Variants in CAMSAP3 observed in about 807,000 individuals in gnomAD.
CAMSAP3 encodes calmodulin-regulated spectrin-associated protein 3.
A neutral mutation model predicts 112.5 loss-of-function variants in CAMSAP3; 34 were observed. That is an observed-to-expected ratio of 0.30 (90% CI 0.23 to 0.40). The LOEUF is 0.40. CAMSAP3 is among the 10% of genes least tolerant of loss of function. CAMSAP3 has a pLI of 1.00. For synonymous variants in CAMSAP3, 868 were observed against 799.8 expected (o/e 1.09, Z -1.44); for missense variants, 1,602 against 1,770.3 (o/e 0.90, Z 1.71).
chr19:7,617,537 C>T lies in CAMSAP3; in HGVS notation c.3326-6C>T. Reference sequence around the variant, plus strand: ...CCCCACCCCCTCCCACTGCCTCACCCTCTAGGTCCACGGCTGTACAAAGAA... The same window carrying T: ...CCCCACCCCCTCCCACTGCCTCACCTTCTAGGTCCACGGCTGTACAAAGAA... On this transcript the variant is annotated splice_polypyrimidine_tract_variant and splice_region_variant and intron_variant, in intron 15 of 16. Transcript: ENST00000160298. This position sits in a 1 kb window ranked among gnomAD's most constrained non-coding sequence, Gnocchi z 7.5. 6.2e-7 allele frequency: 1 copy of T among 1,614,048 alleles called. No individual in the cohort carries two copies. Among genetic ancestry groups the T allele is most frequent in the Non-Finnish European group, 8.5e-7 (1 of 1,179,900 alleles).
At position 7,610,449 on chromosome 19, in the gene CAMSAP3, G is replaced by T. The variant is rs1311963193; in HGVS notation, c.761-27G>T. 3 of 1,592,326 alleles carry T rather than the reference G, an allele frequency of 1.9e-6. No homozygotes were observed. The African/African-American group carries it at 4.0e-5, about 21-fold the overall frequency. On this transcript the variant is annotated intron_variant, in intron 5 of 16. Coordinates refer to ENST00000160298, the MANE Select transcript of CAMSAP3 (RefSeq NM_020902.2). The surrounding 1 kb of genome is among the most constrained non-coding windows in gnomAD (Gnocchi z 4.9). ...GCCCCATCCTCCTCCTCATAGAGTT[G>T]GGGACCCACTCCTCCTGTCCCCACA...
intron 11 of CAMSAP3, among the ~76,000 whole-genome samples, chr19:7,613,697 G>T (rs1391710741): frequency 1.3e-5 from 2 of 151,892 alleles, no homozygotes; most frequent in Non-Finnish European, 2.9e-5. Flanking sequence ...TGGGTGGGTG[G>T]GTGATGGACA....
Position 7,611,157 on chromosome 19 carries a change from G to C in CAMSAP3, c.1112G>C (p.Arg371Pro). The C allele has an allele frequency of 6.2e-7, 1 of 1,613,522 alleles. No homozygotes were observed. The highest frequency in any genetic ancestry group is 8.5e-7 in the Non-Finnish European group (1 of 1,179,922). ...TCTGGTGGCCCCCAGTCCCCACTCC[G>C]AGGATCCACAGGTGAGGAGGGGGTA... ...LSSGGPQSPL[R>P]GSTGSLKSSP... The change falls in exon 9 of 17, where the codon CGA becomes CCA. Residue 371 changes from arginine to proline, a missense_variant. This residue lies in a region of CAMSAP3 where 1,100 missense variants were observed against 1,135.7 expected (regional missense o/e 0.97). Coordinates refer to ENST00000160298, the MANE Select transcript of CAMSAP3 (RefSeq NM_020902.2). This position sits in a 1 kb window ranked among gnomAD's most constrained non-coding sequence, Gnocchi z 6.9.
chr19:7,610,666 G>A lies in CAMSAP3; in HGVS notation c.901-34G>A. ...GCCGAGGCGGGCATCTGGGGCCAGGGGTCCCGTCTGCTGACCCGGCCTCCC... is the reference window on the plus strand; with the variant it reads ...GCCGAGGCGGGCATCTGGGGCCAGGAGTCCCGTCTGCTGACCCGGCCTCCC... On this transcript the variant is annotated intron_variant, in intron 6 of 16. Coordinates refer to ENST00000160298, the MANE Select transcript of CAMSAP3 (RefSeq NM_020902.2). The surrounding 1 kb of genome is among the most constrained non-coding windows in gnomAD (Gnocchi z 4.9). 1 of 1,613,874 alleles carries A rather than the reference G, an allele frequency of 6.2e-7. No individual in the cohort carries two copies. The highest frequency in any genetic ancestry group is 1.3e-5 in the African/African-American group (1 of 75,056).
intron 1 of CAMSAP3, among the ~76,000 whole-genome samples, chr19:7,604,785 A>G (rs909995107): frequency 3.3e-5 from 5 of 152,104 alleles, no homozygotes; most frequent in Admixed American, 6.6e-5. Flanking sequence ...GGGGTTGCCA[A>G]TTGGGCCCTG....
intron 2 of CAMSAP3, among the ~76,000 whole-genome samples, chr19:7,605,959 C>A (rs923445948): frequency 1.3e-5 from 2 of 152,164 alleles, no homozygotes; most frequent in Non-Finnish European, 2.9e-5. Context: ...AAGCCTGGCC[C>A]CTCCCATCAA....
rs756832720 is a variant in CAMSAP3 at position 7,610,888 on chromosome 19, C to A, written c.1006C>A (p.Arg336=). 8.1e-6 allele frequency: 13 copies of A among 1,595,522 alleles called. No individual in the cohort carries two copies. Among genetic ancestry groups the A allele is most frequent in the Non-Finnish European group, 1.1e-5 (13 of 1,171,210 alleles). ...DLPDGHAASP[R]GTEASPPQNN... ...TCTCTGTACTGCAGCTGCCTCCCCCCGGGGCACTGAGGCCTCCCCACCTCA... is the reference window on the plus strand; with the variant it reads ...TCTCTGTACTGCAGCTGCCTCCCCCAGGGGCACTGAGGCCTCCCCACCTCA... The change falls in exon 8 of 17, where the codon CGG becomes AGG. Residue 336 remains arginine, a synonymous_variant. Transcript: ENST00000160298. This position sits in a 1 kb window ranked among gnomAD's most constrained non-coding sequence, Gnocchi z 4.9.
intron 1 of CAMSAP3, among the ~76,000 whole-genome samples, chr19:7,599,618 T>C (rs1338060845): frequency 2.9e-5 from 1 of 34,202 alleles, no homozygotes; most frequent in Non-Finnish European, 5.4e-5. Context: ...CACTCATCCA[T>C]CCACCCACCC....
rs2030797594 is a variant in CAMSAP3, at chr19:7,616,501, G to C, written c.3113-22G>C. ...AGGGCAGGGGCTTCTGGTGGGCACT[G>C]ACCTGCAATCTCTGTCCCCAGGCTC... On this transcript the variant is annotated intron_variant, in intron 13 of 16. Coordinates refer to ENST00000160298, the MANE Select transcript of CAMSAP3 (RefSeq NM_020902.2). 1.9e-6 allele frequency: 3 copies of C among 1,567,118 alleles called. No homozygotes were observed. In the African/African-American group the frequency reaches 4.1e-5, roughly 21 times the overall value.
At chr19:7,616,949 T>TG (rs926273014) in intron 14 of CAMSAP3, among the ~76,000 whole-genome samples, 1,604 of 142,544 alleles carry the variant, frequency 0.011, 13 homozygotes, top group Non-Finnish European at 0.019. Context: ...TTTTTTTTTT[T>TG]TTTTTTTTTG....
At chr19:7,609,392 G>A (rs1044411983) in intron 5 of CAMSAP3, among the ~76,000 whole-genome samples, 2 of 151,674 alleles carry the variant, frequency 1.3e-5, no homozygotes, top group Middle Eastern at 3.4e-3. Flanking sequence ...GAATCCCTGG[G>A]CTCAAACATC....
At chr19:7,614,999 A>G (rs969695696) in intron 11 of CAMSAP3, 184 bp from the exon 12 acceptor site, 2 of 690,550 alleles carry the variant, frequency 2.9e-6, no homozygotes, top group Admixed American at 4.8e-5. Flanking sequence ...AGTGTATCCC[A>G]TCCCTGTTGT....
At position 7,617,974 on chromosome 19, in the gene CAMSAP3, G is replaced by A. The variant is rs750818536; in HGVS notation, c.3667G>A (p.Val1223Ile). The change falls in exon 17 of 17, where the codon GTC (valine) becomes ATC (isoleucine). Residue 1223 changes from valine (V) to isoleucine (I), a missense_variant. This residue lies in a region of CAMSAP3 where 150 missense variants were observed against 207.6 expected (regional missense o/e 0.72). Coordinates refer to ENST00000160298, the MANE Select transcript of CAMSAP3 (RefSeq NM_020902.2). The surrounding 1 kb of genome is among the most constrained non-coding windows in gnomAD (Gnocchi z 7.5). ...QIPAKTMSMSVDAFTIQGHLW... is the reference protein window; with the variant it reads ...QIPAKTMSMSIDAFTIQGHLW... Reference sequence around the variant, plus strand: ...CCCCGCCAAGACCATGTCCATGAGCGTCGATGCCTTCACCATCCAGGGACA... The same window carrying A: ...CCCCGCCAAGACCATGTCCATGAGCATCGATGCCTTCACCATCCAGGGACA... 2 of 1,614,004 alleles carry A rather than the reference G, an allele frequency of 1.2e-6. No homozygotes were observed. The highest frequency in any genetic ancestry group is 1.3e-5 in the African/African-American group (1 of 74,910).
In CAMSAP3 at chr19:7,618,184, C is replaced by T; in HGVS notation, c.*127C>T. 1.2e-5 allele frequency: 13 copies of T among 1,092,708 alleles called. No homozygotes were observed. Among genetic ancestry groups the T allele is most frequent in the Non-Finnish European group, 1.7e-5 (13 of 779,426 alleles). The allele number at this position is 1,092,708 out of a possible 1,614,324, so 67.7% of individuals were successfully genotyped here. On this transcript the variant is annotated 3_prime_UTR_variant, in exon 17 of 17. Transcript: ENST00000160298. ...GTCTGGGTGGGGCTGGAGTCTCCACCCTCTGACTTTGAGTCCAGTCCTGCT... is the reference window on the plus strand; with the variant it reads ...GTCTGGGTGGGGCTGGAGTCTCCACTCTCTGACTTTGAGTCCAGTCCTGCT...
At chr19:7,606,151 G>GGCCCC in intron 2 of CAMSAP3, 120 bp from the exon 3 acceptor site, 3 of 151,400 alleles carry the variant, frequency 2.0e-5, no homozygotes, top group Non-Finnish European at 1.2e-5. Context: ...GCCCCCTCAA[G>GGCCCC]CCCCACCCCC....
intron 13 of CAMSAP3, among the ~76,000 whole-genome samples, chr19:7,616,179 T>A (rs897362895): frequency 1.4e-4 from 20 of 143,674 alleles, no homozygotes; most frequent in Admixed American, 5.0e-4. Flanking sequence ...AGAGCGAGAC[T>A]CCGTCTCAGA....
In CAMSAP3 at chr19:7,611,972, G is replaced by C. The variant is rs1422551275; in HGVS notation, c.1479G>C (p.Lys493Asn). 1 of 1,611,598 alleles carries C rather than the reference G, an allele frequency of 6.2e-7. No individual in the cohort carries two copies. The highest frequency in any genetic ancestry group is 8.5e-7 in the Non-Finnish European group (1 of 1,179,586). The change falls in exon 11 of 17, where the codon AAG becomes AAC. Residue 493 changes from lysine to asparagine, a missense_variant. Physicochemically the swap from Lys to Asn is moderately conservative, Grantham distance 94 (BLOSUM62 0). Around this residue, in one of 6 missense-constraint regions of CAMSAP3, gnomAD observed 1,100 missense variants for 1,135.7 expected, o/e 0.97. Coordinates refer to ENST00000160298, the MANE Select transcript of CAMSAP3 (RefSeq NM_020902.2). The surrounding 1 kb of genome is among the most constrained non-coding windows in gnomAD (Gnocchi z 6.9). ...FYLHSPEGPS[K>N]PSLASPYLPE... is the part of the protein sequence containing the mutation. ...TCCACTCCCCTGAGGGGCCCTCCAAGCCATCCCTGGCCTCCCCCTACCTGC... is the reference window on the plus strand; with the variant it reads ...TCCACTCCCCTGAGGGGCCCTCCAACCCATCCCTGGCCTCCCCCTACCTGC...
chr19:7,617,269 G>A lies in CAMSAP3; in HGVS notation c.3213-57G>A. 8.0e-7 allele frequency: 1 copy of A among 1,244,186 alleles called. No homozygotes were observed. Among genetic ancestry groups the A allele is most frequent in the South Asian group, 1.2e-5 (1 of 83,056 alleles). The allele number at this position is 1,244,186 out of a possible 1,614,324, so 77.1% of individuals were successfully genotyped here. On this transcript the variant is annotated intron_variant, in intron 14 of 16. Transcript: ENST00000160298. This position sits in a 1 kb window ranked among gnomAD's most constrained non-coding sequence, Gnocchi z 7.5. ...GCACATAGGGAAGCTTCCCATCTCTGACCCCACCTCCATCCCATCCTGACC... is the reference window on the plus strand; with the variant it reads ...GCACATAGGGAAGCTTCCCATCTCTAACCCCACCTCCATCCCATCCTGACC...
chr19:7,596,082 A>G lies in CAMSAP3; in HGVS notation c.80A>G (p.Tyr27Cys). ...CCCGAGATCAAGTCGCTGGACCAGT[A>G]CGATTTCTCGCGGGCCAAGGCGGCG... is the stretch of plus-strand genomic sequence containing the variant. ...LVPEIKSLDQ[Y>C]DFSRAKAAAS... The change falls in exon 1 of 17, where the codon TAC becomes TGC. Residue 27 changes from tyrosine to cysteine, a missense_variant. Coordinates refer to ENST00000160298, the MANE Select transcript of CAMSAP3 (RefSeq NM_020902.2). 1 of 1,272,752 alleles carries G rather than the reference A, an allele frequency of 7.9e-7. No individual in the cohort carries two copies. Among genetic ancestry groups the G allele is most frequent in the Non-Finnish European group, 1.0e-6 (1 of 981,776 alleles). The allele number at this position is 1,272,752 out of a possible 1,614,324, so 78.8% of individuals were successfully genotyped here. A position where few individuals can be genotyped will look rare whatever the true frequency, so the allele number is the denominator to read the frequency against.
Sources: allele counts gnomAD v4.1 joint callset (sites outside exome capture counted in the v4.1 genomes callset), GRCh38; gene constraint gnomAD v4.1.1; regional missense constraint gnomAD v4.1.1; non-coding constraint Gnocchi (gnomAD v3.1); transcripts MANE v1.5; gene names NCBI Gene and HGNC (gene_info 2026-07-23, HGNC 2026-07-21).